Variants in ZNF277 observed in about 807,000 individuals in gnomAD.
ZNF277 encodes the protein zinc finger protein 277.
ZNF277 carries 55 observed loss-of-function variants against 60.7 expected under a neutral mutation model. The observed-to-expected ratio is 0.91, with a 90% CI of 0.73 to 1.13. The LOEUF (loss-of-function observed/expected upper bound fraction) is 1.13, where lower values mean the gene tolerates loss of function less well. ZNF277 is among the 50% of genes most tolerant of loss of function. The pLI, the probability that ZNF277 is intolerant of heterozygous loss-of-function variation, is 0.00. For missense variants in ZNF277, 510 were observed against 523.0 expected, an observed-to-expected ratio of 0.98 and a Z score of 0.24; for synonymous variants, 178 against 179.3, an observed-to-expected ratio of 0.99 and a Z score of 0.06.
intron 2 of ZNF277, among the ~76,000 whole-genome samples, chr7:112,291,041 A>G (rs1343135506): frequency 6.6e-6 from 1 of 152,190 alleles, no homozygotes; most frequent in Admixed American, 6.5e-5. Flanking sequence ...TACTAAATAT[A>G]TAATTTTTTA....
chr7:112,296,919 T>A (rs868632524), intron 4 of ZNF277, among the ~76,000 whole-genome samples: 7,275 of 65,016 alleles, frequency 0.11, 490 homozygotes, highest in East Asian at 0.24. Flanking sequence ...TTTATTTTTT[T>A]TTTTTTTTTT....
At chr7:112,270,115 TA>T (rs1302070933) in intron 1 of ZNF277, among the ~76,000 whole-genome samples, 1 of 151,938 alleles carries the variant, frequency 6.6e-6, no homozygotes, top group Non-Finnish European at 1.5e-5. Flanking sequence ...GTAATCCCCA[TA>T]AAAAAAGCGT....
chr7:112,304,642 A>G (rs967600661), intron 4 of ZNF277, among the ~76,000 whole-genome samples: 5 of 152,146 alleles, frequency 3.3e-5, no homozygotes, highest in African/African-American at 1.2e-4. Context: ...GTTACATCAG[A>G]TAGAATAAAG....
intron 1 of ZNF277, among the ~76,000 whole-genome samples, chr7:112,267,427 C>T (rs568783654): frequency 5.1e-4 from 78 of 152,074 alleles, no homozygotes; most frequent in Non-Finnish European, 1.1e-3. Flanking sequence ...TATGTTTTAA[C>T]TTTAGTTATC....
chr7:112,227,191 G>T (rs750106256), intron 1 of ZNF277, among the ~76,000 whole-genome samples: 1 of 152,170 alleles, frequency 6.6e-6, no homozygotes, highest in Non-Finnish European at 1.5e-5. Flanking sequence ...TGATCCTTGC[G>T]TGAAATTAGT....
At chr7:112,257,019 T>C (rs1285492743) in intron 1 of ZNF277, among the ~76,000 whole-genome samples, 2 of 152,180 alleles carry the variant, frequency 1.3e-5, no homozygotes, top group Non-Finnish European at 2.9e-5. Context: ...TCAGAAAATA[T>C]AAAGTTTTGT....
intron 1 of ZNF277, among the ~76,000 whole-genome samples, chr7:112,207,820 C>T (rs1821596982): frequency 6.6e-6 from 1 of 152,148 alleles, no homozygotes; most frequent in Non-Finnish European, 1.5e-5. Context: ...ACCTCAGCGG[C>T]ACAGAGTTGA....
At chr7:112,265,819 G>A (rs562768888) in intron 1 of ZNF277, among the ~76,000 whole-genome samples, 6 of 152,140 alleles carry the variant, frequency 3.9e-5, no homozygotes, top group South Asian at 2.1e-4. Flanking sequence ...ACACTATAAG[G>A]GTTAGTCAAA....
At chr7:112,242,557 C>CAAAAAAAAAAAAAAACA (rs1790984184) in intron 1 of ZNF277, among the ~76,000 whole-genome samples, 1 of 99,492 alleles carries the variant, frequency 1.0e-5, no homozygotes, top group African/African-American at 3.3e-5. Context: ...TAATAGCTAC[C>CAAAAAAAAAAAAAAACA]AAAAAAAAAA....
intron 5 of ZNF277, among the ~76,000 whole-genome samples, 196 bp downstream of exon 5, chr7:112,318,469 C>T (rs1477662831): frequency 1.3e-5 from 2 of 152,030 alleles, no homozygotes; most frequent in Non-Finnish European, 1.5e-5. Context: ...GGTATAAATT[C>T]TTAAAATGAC....
intron 5 of ZNF277, among the ~76,000 whole-genome samples, chr7:112,321,748 C>T (rs929560759): frequency 6.6e-6 from 1 of 151,996 alleles, no homozygotes; most frequent in African/African-American, 2.4e-5. Context: ...AATAGTTTTA[C>T]AGGATGTAGA....
intron 5 of ZNF277, among the ~76,000 whole-genome samples, chr7:112,325,804 G>A (rs1049823711): frequency 1.3e-5 from 2 of 152,166 alleles, no homozygotes; most frequent in South Asian, 2.1e-4. Context: ...AGTCAGGAAG[G>A]TCTGGCCTAT....
At chr7:112,265,299 C>T (rs765682552) in intron 1 of ZNF277, among the ~76,000 whole-genome samples, 5 of 152,070 alleles carry the variant, frequency 3.3e-5, no homozygotes, top group Non-Finnish European at 7.4e-5. Flanking sequence ...TAGGATTATT[C>T]ATTGCCCTAA....
rs573409419 is a variant in ZNF277 at position 112,279,387 on chromosome 7, A to G, written c.92-7486A>G. On this transcript the variant is annotated intron_variant, in intron 1 of 11. Transcript: ENST00000361822. ...GTGATTTTCTGGGTTTTTTTTAGTA[A>G]TAGCCATCTTAGGAGGTACGAGATG... is the stretch of plus-strand genomic sequence containing the variant. Among the ~76,000 whole-genome samples, 326 of 152,266 alleles carry G rather than the reference A, an allele frequency of 2.1e-3. 1 individual carries two copies. The highest frequency in any genetic ancestry group is 4.2e-3 in the Non-Finnish European group (283 of 68,018).
chr7:112,240,772 AC>A (rs1378176755), intron 1 of ZNF277, among the ~76,000 whole-genome samples: 1 of 152,186 alleles, frequency 6.6e-6, no homozygotes, highest in East Asian at 1.9e-4. Context: ...AGTTTCTTCA[AC>A]AAATGATTCT....
chr7:112,261,556 T>A (rs1019026976), intron 1 of ZNF277, among the ~76,000 whole-genome samples: 6 of 152,100 alleles, frequency 3.9e-5, no homozygotes, highest in African/African-American at 1.4e-4. Context: ...ATGGAAAAAA[T>A]ACTCCTTTTT....
At position 112,327,875 on chromosome 7, in the gene ZNF277, A is replaced by C. The variant is rs200592638; in HGVS notation, c.668+48A>C. On this transcript the variant is annotated intron_variant, in intron 6 of 11. Coordinates refer to ENST00000361822, the MANE Select transcript of ZNF277 (RefSeq NM_021994.3). ...CTGCCTAAAGCTGTTTTAATCTTGGACTCTGTTGTGAATATTTTTAAATTA... is the reference window on the plus strand; with the variant it reads ...CTGCCTAAAGCTGTTTTAATCTTGGCCTCTGTTGTGAATATTTTTAAATTA... 5 of 1,223,918 alleles carry C rather than the reference A, an allele frequency of 4.1e-6. No individual in the cohort carries two copies. The East Asian group carries it at 1.3e-4, about 32-fold the overall frequency. 75.8% of individuals were successfully genotyped at this position (1,223,918 alleles called of 1,614,324 possible).
chr7:112,285,085 A>C (rs893708308), intron 1 of ZNF277, among the ~76,000 whole-genome samples: 3 of 152,078 alleles, frequency 2.0e-5, no homozygotes, highest in Non-Finnish European at 4.4e-5. Context: ...GCTGGAGTGC[A>C]GTGGCATGAT....
At chr7:112,280,410 C>T (rs1791913600) in intron 1 of ZNF277, among the ~76,000 whole-genome samples, 1 of 152,082 alleles carries the variant, frequency 6.6e-6, no homozygotes, top group African/African-American at 2.4e-5. Context: ...TGTTTTTTTA[C>T]AGTTCATTTG....
Sources: gnomAD v4.1 joint callset for allele counts (sites outside exome capture counted in the v4.1 genomes callset) on GRCh38, gnomAD v4.1.1 for gene constraint, MANE v1.5 for transcripts, NCBI Gene and HGNC (gene_info 2026-07-23, HGNC 2026-07-21) for gene names.